Variants in TENM4 observed in about 807,000 individuals in gnomAD.
The protein encoded by TENM4 is teneurin transmembrane protein 4.
Under a neutral mutation model 243.3 loss-of-function variants are expected in TENM4, and 82 were observed. The ratio of observed to expected loss-of-function variants is 0.34; its 90% CI spans 0.28 to 0.40. TENM4 has a LOEUF of 0.40. TENM4 is among the 10% of genes least tolerant of loss of function. TENM4 has a pLI of 1.00. For missense variants in TENM4, 3,138 were observed against 3,673.3 expected (o/e 0.85, Z 3.77); for synonymous variants, 1,412 against 1,456.3 (o/e 0.97, Z 0.69).
intron 33 of TENM4, among the ~76,000 whole-genome samples, chr11:78,659,461 G>A (rs1366439601): frequency 6.6e-6 from 1 of 152,118 alleles, no homozygotes; most frequent in Non-Finnish European, 1.5e-5. Flanking sequence ...AGCAAACAAA[G>A]CTGAGAAGAA....
intron 16 of TENM4, among the ~76,000 whole-genome samples, chr11:78,783,483 A>C (rs1856876130): frequency 1.3e-5 from 2 of 152,118 alleles, no homozygotes; most frequent in Non-Finnish European, 2.9e-5. Context: ...ATGGGTGTGC[A>C]GTTCTGTGGG....
chr11:78,976,215 C>T (rs1366664114), intron 6 of TENM4, among the ~76,000 whole-genome samples: 1 of 151,938 alleles, frequency 6.6e-6, no homozygotes, highest in Non-Finnish European at 1.5e-5. Flanking sequence ...TCTGGGCTTC[C>T]AGCCTAGGCC....
chr11:79,336,940 T>C (rs192077138), intron 1 of TENM4, among the ~76,000 whole-genome samples: 1 of 152,200 alleles, frequency 6.6e-6, no homozygotes, highest in East Asian at 1.9e-4. Flanking sequence ...CCAGCCCCAC[T>C]CAGGGGCACA....
intron 1 of TENM4, among the ~76,000 whole-genome samples, chr11:79,391,094 C>T (rs1379775293): frequency 6.6e-6 from 1 of 152,164 alleles, no homozygotes; most frequent in African/African-American, 2.4e-5. Flanking sequence ...CTGCCACTTA[C>T]TATGTGAACT....
At chr11:78,763,232 C>T (rs969591289) in intron 18 of TENM4, among the ~76,000 whole-genome samples, 1 of 152,186 alleles carries the variant, frequency 6.6e-6, no homozygotes, top group African/African-American at 2.4e-5. Context: ...CATTTTTCCT[C>T]ATAGTTCTAA....
At chr11:79,390,660 TG>T (rs1821227740) in intron 1 of TENM4, among the ~76,000 whole-genome samples, 1 of 152,210 alleles carries the variant, frequency 6.6e-6, no homozygotes, top group Non-Finnish European at 1.5e-5. Flanking sequence ...GAGATCGGTC[TG>T]GCTCCAGCTG....
intron 3 of TENM4, among the ~76,000 whole-genome samples, chr11:79,213,901 G>C (rs1863998066): frequency 6.6e-6 from 1 of 152,152 alleles, no homozygotes; most frequent in Non-Finnish European, 1.5e-5. Context: ...GGGGTTGTGG[G>C]AGTCAAATGA....
chr11:79,070,548 C>G (rs1185129021), intron 4 of TENM4, among the ~76,000 whole-genome samples: 2 of 152,242 alleles, frequency 1.3e-5, no homozygotes, highest in Non-Finnish European at 2.9e-5. Context: ...ACACTTACCA[C>G]TACCAGATGA....
intron 1 of TENM4, among the ~76,000 whole-genome samples, chr11:79,369,216 C>T (rs1412976354): frequency 1.3e-5 from 2 of 152,236 alleles, no homozygotes; most frequent in African/African-American, 2.4e-5. Context: ...AAATTACCAA[C>T]GAGTCTCAGA....
In TENM4 at chr11:79,064,787, G is replaced by C. The variant is rs1017357600; in HGVS notation, c.444C>G (p.Ala148=). 1 of 1,551,536 alleles carries C rather than the reference G, an allele frequency of 6.4e-7. No individual in the cohort carries two copies. The highest frequency in any genetic ancestry group is 8.7e-7 in the Non-Finnish European group (1 of 1,146,996). The change falls in exon 6 of 34, where the codon GCC becomes GCG. Residue 148 remains alanine (A), a synonymous_variant. Transcript: ENST00000278550. ...TGTCGGTGAGTGTGAGATTGGAATT[G>C]GCCCGGCTGGACAGGCAGGAGCTGC... ...SGRSSCLSSR[A]NSNLTLTDTE...
intron 3 of TENM4, among the ~76,000 whole-genome samples, chr11:79,154,411 A>T (rs1194970611): frequency 6.6e-6 from 1 of 152,038 alleles, no homozygotes; most frequent in Non-Finnish European, 1.5e-5. Context: ...ATCTGTCCCC[A>T]TGTCCCAAAC....
intron 6 of TENM4, among the ~76,000 whole-genome samples, chr11:78,921,017 A>T (rs1178328942): frequency 1.3e-5 from 2 of 152,170 alleles, no homozygotes; most frequent in Non-Finnish European, 2.9e-5. Context: ...CATTTCACGA[A>T]TGAGGAAACT....
At chr11:78,749,532 C>G (rs1263587180) in intron 19 of TENM4, among the ~76,000 whole-genome samples, 3 of 152,104 alleles carry the variant, frequency 2.0e-5, no homozygotes, top group Non-Finnish European at 4.4e-5. Flanking sequence ...TTCCTGAAGG[C>G]TGTCTAAAGC....
chr11:79,424,698 G>A (rs1181822118), intron 1 of TENM4, among the ~76,000 whole-genome samples: 1 of 151,856 alleles, frequency 6.6e-6, no homozygotes, highest in Non-Finnish European at 1.5e-5. Flanking sequence ...ACTTTGGGAG[G>A]CCGAGGCGGG....
intron 6 of TENM4, among the ~76,000 whole-genome samples, chr11:78,923,252 A>G (rs1208548399): frequency 6.6e-6 from 1 of 152,088 alleles, no homozygotes; most frequent in Non-Finnish European, 1.5e-5. Context: ...TTTTGAACCA[A>G]GGGCCCTGTA....
At chr11:78,939,484 A>T (rs1274634295) in intron 6 of TENM4, among the ~76,000 whole-genome samples, 2 of 152,200 alleles carry the variant, frequency 1.3e-5, no homozygotes, top group East Asian at 3.8e-4. Context: ...TGTGCATGGT[A>T]TTGCCTGTAC....
intron 1 of TENM4, among the ~76,000 whole-genome samples, chr11:79,410,975 A>T (rs1256865380): frequency 6.6e-6 from 1 of 152,102 alleles, no homozygotes; most frequent in Admixed American, 6.6e-5. Flanking sequence ...ACACACATAC[A>T]AACACACACT....
intron 12 of TENM4, among the ~76,000 whole-genome samples, chr11:78,819,872 A>G (rs1009989419): frequency 1.3e-5 from 2 of 152,192 alleles, no homozygotes; most frequent in African/African-American, 4.8e-5. Context: ...TTGAAGTACC[A>G]AGGTATACCC....
chr11:79,423,813 A>C (rs1323204868), intron 1 of TENM4, among the ~76,000 whole-genome samples: 7 of 152,132 alleles, frequency 4.6e-5, no homozygotes, highest in Non-Finnish European at 7.4e-5. Flanking sequence ...GCAAGGGTAG[A>C]GGAAGGAGGA....
Sources: allele counts gnomAD v4.1 joint callset (sites outside exome capture counted in the v4.1 genomes callset), GRCh38; gene constraint gnomAD v4.1.1; transcripts MANE v1.5; gene names NCBI Gene and HGNC (gene_info 2026-07-23, HGNC 2026-07-21).